Variants in HYAL4 observed in about 807,000 individuals in gnomAD.
HYAL4 encodes hyaluronidase-4.
HYAL4 carries 37 observed loss-of-function variants against 35.2 expected under a neutral mutation model. The observed-to-expected ratio is 1.05, with a 90% CI of 0.81 to 1.38. The LOEUF is 1.38. Among genes scored for constraint, HYAL4 ranks in the 40% most tolerant of loss-of-function variants. HYAL4 has a pLI of 0.00. For missense variants in HYAL4, 572 were observed against 572.4 expected, an observed-to-expected ratio of 1.00 and a Z score of 0.01; for synonymous variants, 198 against 203.2, an observed-to-expected ratio of 0.97 and a Z score of 0.22.
the HYAL4 span, among the ~76,000 whole-genome samples, chr7:123,779,128 A>T: frequency 1.3e-5 from 2 of 152,184 alleles, no homozygotes; most frequent in Non-Finnish European, 2.9e-5. Flanking sequence ...ACTAAACTTT[A>T]TTGTTATTTT....
the HYAL4 span, among the ~76,000 whole-genome samples, chr7:123,777,624 A>G: frequency 6.6e-6 from 1 of 152,170 alleles, no homozygotes; most frequent in African/African-American, 2.4e-5. Context: ...ATTATTCCAG[A>G]TGCTTAAGCA....
At chr7:123,810,198 G>A in the HYAL4 span, among the ~76,000 whole-genome samples, 25 of 152,120 alleles carry the variant, frequency 1.6e-4, no homozygotes, top group African/African-American at 5.6e-4. Flanking sequence ...GGTATCAGTG[G>A]CTGCAAGAGA....
At chr7:123,788,804 C>T in the HYAL4 span, among the ~76,000 whole-genome samples, 4 of 152,338 alleles carry the variant, frequency 2.6e-5, no homozygotes, top group South Asian at 8.3e-4. Flanking sequence ...TATCAGTGTA[C>T]ACTTCAAAAC....
chr7:123,843,698 T>C (rs936722442), upstream of HYAL4, among the ~76,000 whole-genome samples: 1 of 151,984 alleles, frequency 6.6e-6, no homozygotes, highest in African/African-American at 2.4e-5. Flanking sequence ...TTCATTTCTT[T>C]TTATTCTTTT....
intron 3 of HYAL4, among the ~76,000 whole-genome samples, chr7:123,873,825 T>C (rs1424379087): frequency 6.6e-6 from 1 of 152,218 alleles, no homozygotes; most frequent in Non-Finnish European, 1.5e-5. Context: ...GTCTTAACCA[T>C]ATTGCAGAAA....
chr7:123,822,350 T>A, the HYAL4 span, among the ~76,000 whole-genome samples: 4 of 152,174 alleles, frequency 2.6e-5, no homozygotes, highest in Non-Finnish European at 5.9e-5. Flanking sequence ...TGTACAAGTC[T>A]TTCACTTTTT....
chr7:123,817,510 C>CTTTTTTTTTTTTTT, the HYAL4 span, among the ~76,000 whole-genome samples: 1 of 122,174 alleles, frequency 8.2e-6, no homozygotes, highest in Non-Finnish European at 1.7e-5. Flanking sequence ...CATTCTTCTT[C>CTTTTTTTTTTTTTT]TTTTTTTTTT....
At chr7:123,825,020 C>T (rs1046626137), upstream of HYAL4, among the ~76,000 whole-genome samples, 4 of 152,024 alleles carry the variant, frequency 2.6e-5, no homozygotes, top group African/African-American at 9.7e-5. Context: ...AATTTCTAGC[C>T]ATTTATATAT....
the HYAL4 span, among the ~76,000 whole-genome samples, chr7:123,773,376 G>A: frequency 1.3e-5 from 2 of 151,926 alleles, no homozygotes; most frequent in African/African-American, 4.8e-5. Context: ...AGTATTCTTT[G>A]TTATTTTCCT....
At chr7:123,838,723 A>AAT (rs1394969324) in intron 1 of HYAL4, among the ~76,000 whole-genome samples, 1 of 152,070 alleles carries the variant, frequency 6.6e-6, no homozygotes, top group Admixed American at 6.6e-5. Flanking sequence ...TATTCCCCCG[A>AAT]ATATGTTTTT....
the HYAL4 span, among the ~76,000 whole-genome samples, chr7:123,793,607 T>G: frequency 1.3e-5 from 2 of 152,234 alleles, no homozygotes; most frequent in Non-Finnish European, 2.9e-5. Context: ...TAAGCGACTT[T>G]CCCACTTTTG....
At chr7:123,864,316 T>G (rs1806640989) in intron 2 of HYAL4, among the ~76,000 whole-genome samples, 1 of 152,166 alleles carries the variant, frequency 6.6e-6, no homozygotes, top group South Asian at 2.1e-4. Context: ...AAGGAACTAG[T>G]CCTTCCTATA....
rs762191676 is a variant in HYAL4 at position 123,868,407 on chromosome 7, G to C, written c.134G>C (p.Arg45Thr). ...CCTGCTCGACTTCCAATTTATCAAA[G>C]GAAACCTTTTATAGCTGCTTGGAAT... ...LKPARLPIYQ[R>T]KPFIAAWNAP... The change falls in exon 3 of 5, where the codon AGG becomes ACG. Residue 45 changes from arginine to threonine, a missense_variant. Physicochemically the swap from Arg to Thr is moderately conservative, Grantham distance 71. Coordinates refer to ENST00000223026, the MANE Select transcript of HYAL4 (RefSeq NM_012269.3). 6.2e-7 allele frequency: 1 copy of C among 1,613,036 alleles called. No homozygotes were observed. Among genetic ancestry groups the C allele is most frequent in the East Asian group, 2.2e-5 (1 of 44,870 alleles).
At chr7:123,764,502 G>C in the HYAL4 span, among the ~76,000 whole-genome samples, 3 of 152,178 alleles carry the variant, frequency 2.0e-5, no homozygotes, top group African/African-American at 7.2e-5. Context: ...TTTTCATGAA[G>C]ATGATCCTCC....
At chr7:123,814,825 T>TGATGAAGTTCTCTGCAATGACCAACTCC in the HYAL4 span, 2 of 152,558 alleles carry the variant, frequency 1.3e-5, no homozygotes, top group Non-Finnish European at 2.9e-5. Flanking sequence ...ATTGTCCAAA[T>TGATGAAGTTCTCTGCAATGACCAACTCC]TGTGGCTGTG....
At chr7:123,764,956 T>C in the HYAL4 span, among the ~76,000 whole-genome samples, 1 of 152,194 alleles carries the variant, frequency 6.6e-6, no homozygotes, top group Non-Finnish European at 1.5e-5. Context: ...GATAGAAATA[T>C]ATTCAACCAA....
At chr7:123,835,272 G>C (rs1805947165) in intron 1 of HYAL4, among the ~76,000 whole-genome samples, 1 of 151,912 alleles carries the variant, frequency 6.6e-6, no homozygotes, top group African/African-American at 2.4e-5. Flanking sequence ...TTATTGGTCT[G>C]TTCAGGGTAT....
At chr7:123,814,361 A>G in the HYAL4 span, 2 of 152,636 alleles carry the variant, frequency 1.3e-5, no homozygotes, top group East Asian at 3.8e-4. Context: ...TGGGTCAAAA[A>G]TTGCCATATT....
chr7:123,776,614 C>T, the HYAL4 span, among the ~76,000 whole-genome samples: 5 of 152,080 alleles, frequency 3.3e-5, no homozygotes, highest in African/African-American at 4.8e-5. Flanking sequence ...GATGTTGTTT[C>T]GCTATGTTGC....
Sources: gnomAD v4.1 joint callset for allele counts (sites outside exome capture counted in the v4.1 genomes callset) on GRCh38, gnomAD v4.1.1 for gene constraint, MANE v1.5 for transcripts, NCBI Gene and HGNC (gene_info 2026-07-23, HGNC 2026-07-21) for gene names.